EHBP1: variants seen among roughly 807,000 people sequenced by gnomAD.
EHBP1 encodes the protein EH domain binding protein 1, also known as EH domain-binding protein 1.
A neutral mutation model predicts 144.0 loss-of-function variants in EHBP1; 55 were observed. The ratio of observed to expected loss-of-function variants is 0.38; its 90% CI spans 0.31 to 0.48. EHBP1 has a LOEUF of 0.48. Among genes scored for constraint, EHBP1 ranks in the 20% least tolerant of loss-of-function variants. The pLI, the probability that EHBP1 is intolerant of heterozygous loss-of-function variation, is 0.98. For missense variants in EHBP1, 1,200 were observed against 1,364.2 expected (o/e 0.88, Z 1.90); for synonymous variants, 469 against 472.7 (o/e 0.99, Z 0.10).
rs187501607 is a variant in EHBP1, at chr2:62,941,261, G to A, written c.1186-1457G>A. Among the ~76,000 whole-genome samples the A allele has an allele frequency of 8.2e-4, 125 of 152,124 alleles. 2 individuals carry two copies. Among genetic ancestry groups the A allele is most frequent in the African/African-American group, 2.7e-3 (114 of 41,538 alleles). On this transcript the variant is annotated intron_variant, in intron 10 of 22. Coordinates refer to ENST00000431489, the MANE Select transcript of EHBP1 (RefSeq NM_001142616.3). The stretch of plus-strand genomic sequence containing the variant: ...GTCACAGTGGATCATTACATGAAAA[G>A]ATATTTAATAGTTCATTTTTACACT...
At chr2:62,680,491 A>G (rs1055563376) in intron 1 of EHBP1, among the ~76,000 whole-genome samples, 1 of 152,228 alleles carries the variant, frequency 6.6e-6, no homozygotes, top group African/African-American at 2.4e-5. Context: ...TCTGATTCCC[A>G]TCAGCAGATT....
chr2:63,014,713 C>T (rs940402512), intron 19 of EHBP1, among the ~76,000 whole-genome samples: 3 of 152,210 alleles, frequency 2.0e-5, no homozygotes, highest in African/African-American at 7.2e-5. Context: ...GGCACAGGCT[C>T]ACGCCTGTAA....
At chr2:62,896,842 C>G (rs1275126751) in intron 10 of EHBP1, among the ~76,000 whole-genome samples, 2 of 152,110 alleles carry the variant, frequency 1.3e-5, no homozygotes, top group Admixed American at 6.6e-5. Context: ...TTTGAAACCT[C>G]TCTGGTTAAA....
chr2:62,857,579 C>G (rs1408094057), intron 7 of EHBP1, among the ~76,000 whole-genome samples: 1 of 152,126 alleles, frequency 6.6e-6, no homozygotes, highest in Non-Finnish European at 1.5e-5. Context: ...TAATCTGGAT[C>G]TATTTGCTGT....
At chr2:62,964,205 A>T (rs2058131062) in intron 14 of EHBP1, among the ~76,000 whole-genome samples, 1 of 152,160 alleles carries the variant, frequency 6.6e-6, no homozygotes, top group Admixed American at 6.6e-5. Context: ...AAAAAACCTC[A>T]AGCATCTTTT....
chr2:62,705,413 C>G (rs1346299545), upstream of EHBP1, among the ~76,000 whole-genome samples: 3 of 152,124 alleles, frequency 2.0e-5, no homozygotes, highest in Non-Finnish European at 4.4e-5. Flanking sequence ...TATAAACACT[C>G]CCTATTCCTC....
intron 14 of EHBP1, among the ~76,000 whole-genome samples, chr2:62,971,988 T>C (rs2058519700): frequency 1.3e-5 from 2 of 152,200 alleles, no homozygotes; most frequent in African/African-American, 4.8e-5. Flanking sequence ...TCAATTTATT[T>C]AAGTCTATCT....
At chr2:63,018,909 A>G (rs1335953105) in intron 19 of EHBP1, among the ~76,000 whole-genome samples, 1 of 152,228 alleles carries the variant, frequency 6.6e-6, no homozygotes, top group Non-Finnish European at 1.5e-5. Context: ...ACAACTATCT[A>G]TGAAACAAAA....
At chr2:63,009,593 T>C (rs1338611163) in intron 19 of EHBP1, among the ~76,000 whole-genome samples, 1 of 151,614 alleles carries the variant, frequency 6.6e-6, no homozygotes, top group East Asian at 1.9e-4. Context: ...GATATCCTTA[T>C]AAGCCTTATG....
At chr2:62,713,858 T>C (rs957646238) in intron 2 of EHBP1, among the ~76,000 whole-genome samples, 4 of 152,242 alleles carry the variant, frequency 2.6e-5, no homozygotes, top group African/African-American at 9.6e-5. Context: ...ATTGTAATTG[T>C]TACATATTGT....
At chr2:62,790,693 T>C (rs776402063) in intron 5 of EHBP1, among the ~76,000 whole-genome samples, 3 of 152,172 alleles carry the variant, frequency 2.0e-5, no homozygotes, top group Non-Finnish European at 4.4e-5. Context: ...AAAATATTTT[T>C]GTGTAATTCT....
At chr2:62,994,391 T>G (rs1453830462) in intron 18 of EHBP1, among the ~76,000 whole-genome samples, 1 of 152,160 alleles carries the variant, frequency 6.6e-6, no homozygotes, top group Non-Finnish European at 1.5e-5. Context: ...ACCTTTCCAT[T>G]ATCCAGATCA....
At chr2:62,935,800 G>T (rs992766835) in intron 10 of EHBP1, among the ~76,000 whole-genome samples, 1 of 152,104 alleles carries the variant, frequency 6.6e-6, no homozygotes, top group African/African-American at 2.4e-5. Flanking sequence ...TTTAGCAAGT[G>T]AAAGAAGATT....
chr2:62,695,610 A>T (rs1217325724), intron 1 of EHBP1, among the ~76,000 whole-genome samples: 1 of 152,226 alleles, frequency 6.6e-6, no homozygotes, highest in Non-Finnish European at 1.5e-5. Flanking sequence ...GAAACTATAG[A>T]TGGAAAGCTT....
At chr2:62,788,448 A>G (rs1237289673) in intron 5 of EHBP1, among the ~76,000 whole-genome samples, 1 of 152,004 alleles carries the variant, frequency 6.6e-6, no homozygotes, top group African/African-American at 2.4e-5. Flanking sequence ...ACTCTGAGTA[A>G]TACTCATGTT....
chr2:62,993,773 T>A, intron 17 of EHBP1, 98 bp from the exon 18 acceptor site: 1 of 899,004 alleles, frequency 1.1e-6, no homozygotes, highest in Non-Finnish European at 1.6e-6. Flanking sequence ...ATATATATAG[T>A]ATATATGTAT....
At chr2:62,776,588 TATCTC>T (rs1211996293) in intron 5 of EHBP1, among the ~76,000 whole-genome samples, 2 of 152,216 alleles carry the variant, frequency 1.3e-5, no homozygotes, top group African/African-American at 4.8e-5. Context: ...ACTTTACTGT[TATCTC>T]AAAGCAATGA....
chr2:62,987,318 G>C (rs994049866), intron 15 of EHBP1, among the ~76,000 whole-genome samples: 1 of 152,080 alleles, frequency 6.6e-6, no homozygotes, highest in Non-Finnish European at 1.5e-5. Context: ...AATTTTGGTT[G>C]ACAATTTTTC....
At chr2:62,752,738 CTTCT>C (rs2039874674) in intron 3 of EHBP1, among the ~76,000 whole-genome samples, 1 of 151,932 alleles carries the variant, frequency 6.6e-6, no homozygotes, top group Non-Finnish European at 1.5e-5. Flanking sequence ...ATGTAATGGC[CTTCT>C]TTGTCTCTTT....
Sources: gnomAD v4.1 joint callset for allele counts (sites outside exome capture counted in the v4.1 genomes callset) on GRCh38, gnomAD v4.1.1 for gene constraint, MANE v1.5 for transcripts, NCBI Gene and HGNC (gene_info 2026-07-23, HGNC 2026-07-21) for gene names.